The following RAF1 variants were observed in gnomAD, a reference collection of about 807,000 sequenced individuals.
The protein encoded by RAF1 is Raf-1 proto-oncogene, serine/threonine kinase, also known as RAF proto-oncogene serine/threonine-protein kinase.
A neutral mutation model predicts 81.1 loss-of-function variants in RAF1; 27 were observed. That is an observed-to-expected ratio of 0.33 (90% confidence interval 0.25 to 0.46). The LOEUF (loss-of-function observed/expected upper bound fraction) is 0.46. RAF1 is among the 20% of genes least tolerant of loss of function. The probability of loss-of-function intolerance (pLI) is 1.00; values close to 1 mark genes in which losing one functional copy is unlikely to be tolerated. For missense variants in RAF1, 598 were observed against 826.0 expected, an observed-to-expected ratio of 0.72 and a Z score of 3.38; for synonymous variants, 298 against 294.0, an observed-to-expected ratio of 1.01 and a Z score of -0.14.
chr3:12,661,497 A>T (rs1272335456), intron 1 of RAF1, among the ~76,000 whole-genome samples: 1 of 152,042 alleles, frequency 6.6e-6, no homozygotes, highest in African/African-American at 2.4e-5. Context: ...TCTTGCGGTC[A>T]GGAGTTCGAG....
intron 1 of RAF1, among the ~76,000 whole-genome samples, chr3:12,645,881 A>G (rs534752217): frequency 1.3e-5 from 2 of 152,138 alleles, no homozygotes; most frequent in East Asian, 3.9e-4. Context: ...GGCTTATTAC[A>G]TTACTTTTAA....
intron 1 of RAF1, among the ~76,000 whole-genome samples, chr3:12,654,597 G>C (rs946537683): frequency 6.6e-6 from 1 of 150,894 alleles, no homozygotes; most frequent in African/African-American, 2.4e-5. Context: ...GTGAGACTGT[G>C]TCACTCACAA....
intron 1 of RAF1, among the ~76,000 whole-genome samples, chr3:12,651,542 G>A (rs182490445): frequency 1.3e-5 from 2 of 152,050 alleles, no homozygotes; most frequent in African/African-American, 4.8e-5. Flanking sequence ...GCTGAGGCAC[G>A]AGAATCGCTG....
rs1401530185 is a variant in RAF1 at position 12,607,866 on chromosome 3, A to T, written c.581+900T>A. On this transcript the variant is annotated intron_variant, in intron 5 of 17. Transcript: ENST00000442415. Reference sequence around the variant, plus strand: ...CTCGGGAGGCTGAGGCAGGAGAATCACTTGAACCTGGGAGGCAGAGGTTGC... The same window carrying T: ...CTCGGGAGGCTGAGGCAGGAGAATCTCTTGAACCTGGGAGGCAGAGGTTGC... Among the ~76,000 whole-genome samples the T allele has an allele frequency of 4.1e-5, 6 of 145,508 alleles. No individual in the cohort carries two copies. The East Asian group carries it at 1.2e-3, about 30-fold the overall frequency.
At chr3:12,624,150 G>A (rs1469841993) in intron 1 of RAF1, among the ~76,000 whole-genome samples, 3 of 151,906 alleles carry the variant, frequency 2.0e-5, no homozygotes, top group East Asian at 1.9e-4. Context: ...CACTGCACCC[G>A]GCCTTCCTAA....
chr3:12,635,252 G>A (rs1575633501), intron 1 of RAF1, among the ~76,000 whole-genome samples: 2 of 146,190 alleles, frequency 1.4e-5, no homozygotes, highest in African/African-American at 5.1e-5. Flanking sequence ...CCGGGAGGCG[G>A]AGGTTGCAGT....
chr3:12,648,995 T>C (rs1449066263), intron 1 of RAF1, among the ~76,000 whole-genome samples: 1 of 152,100 alleles, frequency 6.6e-6, no homozygotes, highest in Non-Finnish European at 1.5e-5. Context: ...ATGCCTGTAA[T>C]GCCAGCTACT....
intron 1 of RAF1, among the ~76,000 whole-genome samples, chr3:12,636,847 T>C (rs1349300186): frequency 6.6e-6 from 1 of 151,972 alleles, no homozygotes; most frequent in Non-Finnish European, 1.5e-5. Context: ...GCTACATCAA[T>C]GAACAGCAGC....
At chr3:12,607,310 G>C (rs866932828) in intron 5 of RAF1, among the ~76,000 whole-genome samples, 13 of 152,242 alleles carry the variant, frequency 8.5e-5, no homozygotes, top group Non-Finnish European at 1.9e-4. Context: ...ATGTGGTTAT[G>C]GTTAATGACA....
chr3:12,599,566 A>G, intron 11 of RAF1, 125 bp downstream of exon 10: 2 of 739,358 alleles, frequency 2.7e-6, no homozygotes, highest in African/African-American at 1.7e-5. Context: ...ATAATCAAGT[A>G]TGTAAGGGAG....
intron 1 of RAF1, among the ~76,000 whole-genome samples, chr3:12,637,682 GTC>G (rs1479866812): frequency 6.6e-6 from 1 of 151,548 alleles, no homozygotes; most frequent in East Asian, 2.0e-4. Context: ...GTGAAACCCT[GTC>G]TCTACTAAAG....
chr3:12,649,787 C>A (rs577196668), intron 1 of RAF1, among the ~76,000 whole-genome samples: 27 of 152,162 alleles, frequency 1.8e-4, no homozygotes, highest in Admixed American at 1.5e-3. Context: ...AGTGCTTGAG[C>A]CCAGGAATTC....
At chr3:12,645,097 C>CAAAAA (rs11401342) in intron 1 of RAF1, among the ~76,000 whole-genome samples, 19 of 65,040 alleles carry the variant, frequency 2.9e-4, no homozygotes, top group African/African-American at 9.0e-4. Flanking sequence ...GACTCAGTCT[C>CAAAAA]AAAAAAAAAA....
chr3:12,612,188 C>A, intron 2 of RAF1, 126 bp from the exon 3 acceptor site: 1 of 741,222 alleles, frequency 1.3e-6, no homozygotes, highest in Non-Finnish European at 2.4e-6. Context: ...ATATACGAAA[C>A]AACCTGAATG....
In RAF1 at chr3:12,659,765, T is replaced by C. The variant is rs932266581; in HGVS notation, c.-27+4048A>G. On this transcript the variant is annotated intron_variant, in intron 1 of 17. Coordinates refer to ENST00000442415, the MANE Select transcript of RAF1 (RefSeq NM_001354689.3). The stretch of plus-strand genomic sequence containing the variant: ...ACCCCCTCACTGTCACATTATCCAC[T>C]GCCTTTCAAAGGCAATATTTAAAAT... Among the ~76,000 whole-genome samples the C allele has an allele frequency of 3.3e-5, 5 of 152,302 alleles. No homozygotes were observed. The East Asian group carries it at 9.6e-4, about 29-fold the overall frequency.
chr3:12,618,771 T>C, intron 1 of RAF1, 24 bp from the exon 2 acceptor site: 1 of 1,567,078 alleles, frequency 6.4e-7, no homozygotes, highest in Non-Finnish European at 8.8e-7. Flanking sequence ...CAAATAATTG[T>C]AACTCTAGAA....
chr3:12,614,992 G>A (rs377423763), intron 2 of RAF1, among the ~76,000 whole-genome samples: 4 of 152,278 alleles, frequency 2.6e-5, no homozygotes, highest in East Asian at 3.9e-4. Flanking sequence ...CTGCAAGCTG[G>A]ACAGTTCTTT....
chr3:12,637,273 G>A (rs900407085), intron 1 of RAF1, among the ~76,000 whole-genome samples: 1 of 151,972 alleles, frequency 6.6e-6, no homozygotes, highest in Non-Finnish European at 1.5e-5. Context: ...GTGAATTCAC[G>A]AACTTCCAGA....
At chr3:12,632,704 T>C (rs967880366) in intron 1 of RAF1, among the ~76,000 whole-genome samples, 3 of 152,224 alleles carry the variant, frequency 2.0e-5, no homozygotes, top group African/African-American at 7.2e-5. Context: ...CTGAAATTCT[T>C]GAAACTCTCT....
Sources: allele counts gnomAD v4.1 joint callset (sites outside exome capture counted in the v4.1 genomes callset), GRCh38; gene constraint gnomAD v4.1.1; transcripts MANE v1.5; gene names NCBI Gene and HGNC (gene_info 2026-07-23, HGNC 2026-07-21).